The following GARNL3 variants were observed in gnomAD, a reference collection of about 807,000 sequenced individuals.
GARNL3 encodes the protein GTPase-activating Rap/Ran-GAP domain-like protein 3.
A neutral mutation model predicts 125.0 loss-of-function variants in GARNL3; 63 were observed. That is an observed-to-expected ratio of 0.50 (90% CI 0.41 to 0.62). The LOEUF is 0.62. Among genes scored for constraint, GARNL3 ranks in the 20% least tolerant of loss-of-function variants. GARNL3 has a pLI of 0.00. For synonymous variants in GARNL3, 439 were observed against 457.5 expected (o/e 0.96, Z 0.52); for missense variants, 994 against 1,244.0 (o/e 0.80, Z 3.02).
At chr9:127,388,741 C>T in intron 25 of GARNL3, 163 bp from the exon 26 acceptor site, 1 of 609,298 alleles carries the variant, frequency 1.6e-6, no homozygotes, top group Non-Finnish European at 2.9e-6. Context: ...ATCAGGCACC[C>T]TCAAATCAGT....
intron 6 of GARNL3, among the ~76,000 whole-genome samples, chr9:127,323,581 G>A (rs2095141): frequency 6.6e-6 from 1 of 152,298 alleles, no homozygotes; most frequent in African/African-American, 2.4e-5. Flanking sequence ...TGGCAATTGA[G>A]AAGCTGAGAG....
chr9:127,279,555 A>AT (rs1455366821), intron 1 of GARNL3, among the ~76,000 whole-genome samples: 2 of 151,876 alleles, frequency 1.3e-5, no homozygotes, highest in Non-Finnish European at 2.9e-5. Flanking sequence ...CTACATTTGC[A>AT]TTTTTTCATC....
At chr9:127,285,022 T>G (rs2064208378) in intron 1 of GARNL3, among the ~76,000 whole-genome samples, 1 of 152,210 alleles carries the variant, frequency 6.6e-6, no homozygotes, top group African/African-American at 2.4e-5. Context: ...TTTCTGATTT[T>G]CAGTTTTTAA....
Position 127,339,992 on chromosome 9 carries a change from C to T in GARNL3, c.1135+241C>T, listed in dbSNP as rs892643222. 2.0e-5 allele frequency among the ~76,000 whole-genome samples: 3 copies of T among 152,170 alleles called. 1 individual carries two copies. The highest frequency in any genetic ancestry group is 7.2e-5 in the African/African-American group (3 of 41,434). ...CTTCTCTACACTCACCCACTAAGGA[C>T]CCTCGGGCCTCAAATTTGCCTTTCT... is the stretch of plus-strand genomic sequence containing the variant. On this transcript the variant is annotated intron_variant, in intron 13 of 27. Transcript: ENST00000373387.
chr9:127,242,999 G>A lies in GARNL3; in HGVS notation c.-28-80G>A, dbSNP rs1031616230. 19 of 1,201,662 alleles carry A rather than the reference G, an allele frequency of 1.6e-5. No homozygotes were observed. In the African/African-American group the frequency reaches 3.0e-4, roughly 19 times the overall value. The allele number at this position is 1,201,662 out of a possible 1,614,324, so 74.4% of individuals were successfully genotyped here. On this transcript the variant is annotated intron_variant, in intron 1 of 10. Coordinates refer to the GARNL3 transcript ENST00000439286. This position sits in a 1 kb window ranked among gnomAD's most constrained non-coding sequence, Gnocchi z 4.6. Reference sequence around the variant, plus strand: ...TTGCTTACCAGCGGGGCTGCCTTTGGGAGGAGGGTAAAGCAGGCCAGGGAT... The same window carrying A: ...TTGCTTACCAGCGGGGCTGCCTTTGAGAGGAGGGTAAAGCAGGCCAGGGAT...
rs962857169 is a variant in GARNL3 at position 127,332,943 on chromosome 9, T to C, written c.671-80T>C. On this transcript the variant is annotated intron_variant, in intron 8 of 27. Transcript: ENST00000373387. ...TGAATCGGCAGAGCCCAGTTAATTT[T>C]CCAGCGATTCCGGTCCATAGTTAGA... 7.5e-5 allele frequency: 72 copies of C among 964,096 alleles called. 1 individual carries two copies. In the Admixed American group the frequency reaches 1.2e-3, roughly 16 times the overall value. 59.7% of individuals were successfully genotyped at this position (964,096 alleles called of 1,614,324 possible). A position where few individuals can be genotyped will look rare whatever the true frequency, so the allele number is the denominator to read the frequency against.
chr9:127,388,625 AAGC>A (rs1832674256), intron 25 of GARNL3: 1 of 462,152 alleles, frequency 2.2e-6, no homozygotes, highest in Non-Finnish European at 3.9e-6. Flanking sequence ...AGAATTCCCC[AAGC>A]AGGGCAGCTT....
intron 17 of GARNL3, among the ~76,000 whole-genome samples, chr9:127,353,315 T>G (rs530477988): frequency 4.6e-5 from 7 of 152,218 alleles, no homozygotes; most frequent in Non-Finnish European, 1.0e-4. Flanking sequence ...AAACTACTAC[T>G]GCTACAAACA....
rs754949758 is a variant in GARNL3, at chr9:127,385,174, G to A, written c.2388+29G>A. The A allele has an allele frequency of 7.0e-6, 10 of 1,429,342 alleles. No homozygotes were observed. Among genetic ancestry groups the A allele is most frequent in the South Asian group, 3.7e-5 (3 of 82,168 alleles). 88.5% of individuals were successfully genotyped at this position (1,429,342 alleles called of 1,614,324 possible). Reference sequence around the variant, plus strand: ...AGTAGGACTGGGATTTTATCTCTGAGTGGTTTGGGGGACCCCGGCACTGTG... The same window carrying A: ...AGTAGGACTGGGATTTTATCTCTGAATGGTTTGGGGGACCCCGGCACTGTG... On this transcript the variant is annotated intron_variant, in intron 24 of 27. Coordinates refer to ENST00000373387, the MANE Select transcript of GARNL3 (RefSeq NM_032293.5). This position sits in a 1 kb window ranked among gnomAD's most constrained non-coding sequence, Gnocchi z 4.1.
intron 1 of GARNL3, among the ~76,000 whole-genome samples, chr9:127,277,022 A>G (rs1460945715): frequency 6.6e-6 from 1 of 152,214 alleles, no homozygotes; most frequent in African/African-American, 2.4e-5. Flanking sequence ...TCCCATCCAC[A>G]ATAGGTTATA....
intron 2 of GARNL3, among the ~76,000 whole-genome samples, chr9:127,256,326 G>A (rs946756603): frequency 8.5e-5 from 13 of 152,206 alleles, no homozygotes; most frequent in Non-Finnish European, 1.6e-4. Flanking sequence ...TCTGGATGAT[G>A]GGTCTTGAGC....
At chr9:127,269,786 G>GTTTTTTGTGTT (rs1554896116) in intron 1 of GARNL3, among the ~76,000 whole-genome samples, 1,368 of 129,772 alleles carry the variant, frequency 0.011, 32 homozygotes, top group African/African-American at 0.035. Context: ...TGTTTTTTGT[G>GTTTTTTGTGTT]TTTTTTTTTT....
chr9:127,384,908 CA>C lies in GARNL3; in HGVS notation c.2270-118del, dbSNP rs1446687945. The C allele has an allele frequency of 3.8e-5, 22 of 571,964 alleles. No homozygotes were observed. The Admixed American group carries it at 6.0e-4, about 16-fold the overall frequency. The allele number at this position is 571,964 out of a possible 1,614,324, so 35.4% of individuals were successfully genotyped here. A position where few individuals can be genotyped will look rare whatever the true frequency, so the allele number is the denominator to read the frequency against. On this transcript the variant is annotated intron_variant, in intron 23 of 27. Transcript: ENST00000373387. This position sits in a 1 kb window ranked among gnomAD's most constrained non-coding sequence, Gnocchi z 4.0. ...TGCACATGTGAAGGAAGGAGAGAAGCAGCCAGAGGAATGAGAGATGGAAGTT... is the reference window on the plus strand; with the variant it reads ...TGCACATGTGAAGGAAGGAGAGAAGCGCCAGAGGAATGAGAGATGGAAGTT...
intron 23 of GARNL3, among the ~76,000 whole-genome samples, chr9:127,383,967 C>T (rs995252736): frequency 1.3e-5 from 2 of 152,220 alleles, no homozygotes; most frequent in African/African-American, 4.8e-5. Flanking sequence ...AATTCAGGTA[C>T]CTGCCTGCCA....
In GARNL3 at chr9:127,385,012, C is replaced by T. The variant is rs751829629; in HGVS notation, c.2270-15C>T. The T allele has an allele frequency of 1.6e-5, 25 of 1,561,356 alleles. No homozygotes were observed. Among genetic ancestry groups the T allele is most frequent in the Non-Finnish European group, 2.2e-5 (25 of 1,137,468 alleles). Reference sequence around the variant, plus strand: ...AAGCCAGCAGCTGGGAGGTGACACTCCCGTTCCCTTGCAGTCTGTGCTTTC... The same window carrying T: ...AAGCCAGCAGCTGGGAGGTGACACTTCCGTTCCCTTGCAGTCTGTGCTTTC... On this transcript the variant is annotated splice_polypyrimidine_tract_variant and intron_variant, in intron 23 of 27. Coordinates refer to ENST00000373387, the MANE Select transcript of GARNL3 (RefSeq NM_032293.5). This position sits in a 1 kb window ranked among gnomAD's most constrained non-coding sequence, Gnocchi z 4.1.
chr9:127,243,283 G>A (rs752295189), intron 2 of GARNL3: 19 of 1,360,710 alleles, frequency 1.4e-5, no homozygotes, highest in Non-Finnish European at 1.9e-5. Flanking sequence ...TCTCAGTTTG[G>A]GTTTATGTTC....
intron 2 of GARNL3, among the ~76,000 whole-genome samples, chr9:127,243,966 G>A (rs2063249271): frequency 6.6e-6 from 1 of 152,234 alleles, no homozygotes. Context: ...CAAAACAAAT[G>A]AGATGCTTCA....
rs117472710 is a variant in GARNL3, at chr9:127,258,057, C to T, written c.144-6895C>T. On this transcript the variant is annotated intron_variant, in intron 2 of 10. Coordinates refer to the GARNL3 transcript ENST00000439286. ...AGGATAAGTAACTTGTTTGAGGTCA[C>T]GGTGGTCATGTGTGATGGAGCCGAA... is the stretch of plus-strand genomic sequence containing the variant. 1.6e-4 allele frequency among the ~76,000 whole-genome samples: 25 copies of T among 152,064 alleles called. No individual in the cohort carries two copies. In the East Asian group the frequency reaches 4.3e-3, roughly 26 times the overall value.
chr9:127,326,924 CT>C (rs1204970534), intron 7 of GARNL3, among the ~76,000 whole-genome samples: 1 of 152,136 alleles, frequency 6.6e-6, no homozygotes, highest in Non-Finnish European at 1.5e-5. Flanking sequence ...ACCTCCCAGC[CT>C]CCAGAACTGT....
Sources: allele counts gnomAD v4.1 joint callset (sites outside exome capture counted in the v4.1 genomes callset), GRCh38; gene constraint gnomAD v4.1.1; non-coding constraint Gnocchi (gnomAD v3.1); transcripts MANE v1.5; gene names NCBI Gene and HGNC (gene_info 2026-07-23, HGNC 2026-07-21).